Variants in TP63 observed in about 807,000 individuals in gnomAD.
The protein encoded by TP63 is tumor protein p63.
Under a neutral mutation model 82.8 loss-of-function variants are expected in TP63, and 17 were observed. The observed-to-expected ratio is 0.21, with a 90% CI of 0.14 to 0.31. TP63 has a LOEUF of 0.31. Among genes scored for constraint, TP63 ranks in the 10% least tolerant of loss-of-function variants. The probability of loss-of-function intolerance (pLI) is 1.00; values close to 1 mark genes in which losing one functional copy is unlikely to be tolerated. For missense variants in TP63, 648 were observed against 895.3 expected (o/e 0.72, Z 3.52); for synonymous variants, 330 against 321.7 (o/e 1.03, Z -0.28).
chr3:189,617,633 G>T, the TP63 span, among the ~76,000 whole-genome samples: 1 of 152,106 alleles, frequency 6.6e-6, no homozygotes, highest in Non-Finnish European at 1.5e-5. Flanking sequence ...ACATTCTTTG[G>T]CTGTTTAATG....
chr3:189,624,269 C>T, the TP63 span, among the ~76,000 whole-genome samples: 1 of 152,182 alleles, frequency 6.6e-6, no homozygotes, highest in Non-Finnish European at 1.5e-5. Flanking sequence ...TTTCATCTTG[C>T]AAAACTGAAA....
intron 1 of TP63, among the ~76,000 whole-genome samples, chr3:189,651,441 G>A (rs1358117004): frequency 3.4e-5 from 5 of 145,704 alleles, no homozygotes; most frequent in Non-Finnish European, 7.4e-5. Flanking sequence ...AGCTACTTAG[G>A]AGGCTGAATC....
In TP63 at chr3:189,897,232, G is replaced by A. The variant is rs1008423994; in HGVS notation, c.*2730G>A. 1 of 205,002 alleles carries A rather than the reference G, an allele frequency of 4.9e-6. No homozygotes were observed. The highest frequency in any genetic ancestry group is 1.0e-5 in the Non-Finnish European group (1 of 99,990). 12.7% of individuals were successfully genotyped at this position (205,002 alleles called of 1,614,324 possible). The stretch of plus-strand genomic sequence containing the variant: ...TCTACAATCTCTTTTTGTTTGCCAG[G>A]ACATGCAATAAAATTTAAAAAATAA... On this transcript the variant is annotated 3_prime_UTR_variant, in exon 14 of 14. Transcript: ENST00000264731.
chr3:189,833,058 C>T (rs1021684762), intron 4 of TP63, among the ~76,000 whole-genome samples: 10 of 152,168 alleles, frequency 6.6e-5, no homozygotes, highest in South Asian at 2.1e-4. Flanking sequence ...GAGAGTAAAT[C>T]GAATCCAATT....
At chr3:189,637,251 A>T (rs1189522064) in intron 1 of TP63, among the ~76,000 whole-genome samples, 2 of 151,044 alleles carry the variant, frequency 1.3e-5, no homozygotes, top group African/African-American at 4.9e-5. Context: ...TGGGAACTGA[A>T]TTTTTTTTTT....
chr3:189,832,262 G>A (rs1261194258), intron 4 of TP63, among the ~76,000 whole-genome samples: 3 of 152,040 alleles, frequency 2.0e-5, no homozygotes, highest in Non-Finnish European at 2.9e-5. Flanking sequence ...TCTCTGCATC[G>A]GGCTTGTTGG....
At chr3:189,667,807 A>C (rs1013592515) in intron 1 of TP63, among the ~76,000 whole-genome samples, 2 of 152,118 alleles carry the variant, frequency 1.3e-5, no homozygotes, top group African/African-American at 4.8e-5. Context: ...AGAGACAGCA[A>C]ATGTTTTCTG....
chr3:189,719,129 A>T (rs1719182202), intron 1 of TP63, among the ~76,000 whole-genome samples: 1 of 152,204 alleles, frequency 6.6e-6, no homozygotes, highest in South Asian at 2.1e-4. Context: ...GACAAAAGCC[A>T]TAGACGCACG....
chr3:189,644,112 T>C (rs1245488030), intron 1 of TP63, among the ~76,000 whole-genome samples: 2 of 152,158 alleles, frequency 1.3e-5, no homozygotes, highest in Non-Finnish European at 2.9e-5. Context: ...CCACTTCAGG[T>C]ACCAATCCAC....
chr3:189,657,769 G>A (rs969762547), intron 1 of TP63, among the ~76,000 whole-genome samples: 1 of 152,024 alleles, frequency 6.6e-6, no homozygotes, highest in Admixed American at 6.6e-5. Flanking sequence ...GATATGGATG[G>A]TTATATATAG....
chr3:189,686,991 A>C (rs1716502647), intron 1 of TP63, among the ~76,000 whole-genome samples: 1 of 152,020 alleles, frequency 6.6e-6, no homozygotes, highest in Non-Finnish European at 1.5e-5. Flanking sequence ...AGCCTCCCCA[A>C]GTACTGGGAT....
At chr3:189,790,008 T>G (rs1482802399) in intron 3 of TP63, among the ~76,000 whole-genome samples, 1 of 143,474 alleles carries the variant, frequency 7.0e-6, no homozygotes, top group Non-Finnish European at 1.5e-5. Context: ...GGCTGTAAGA[T>G]TTTTTTTTTT....
At chr3:189,772,132 A>T (rs1056117361) in intron 3 of TP63, among the ~76,000 whole-genome samples, 1 of 152,194 alleles carries the variant, frequency 6.6e-6, no homozygotes, top group African/African-American at 2.4e-5. Context: ...TCCCTTTCCC[A>T]AAGTTTTATG....
intron 1 of TP63, among the ~76,000 whole-genome samples, chr3:189,677,811 C>T (rs1715575235): frequency 6.6e-6 from 1 of 152,000 alleles, no homozygotes; most frequent in Non-Finnish European, 1.5e-5. Flanking sequence ...AAGATGGTAT[C>T]TCATTGTGGT....
At chr3:189,704,353 C>G (rs1192830553) in intron 1 of TP63, among the ~76,000 whole-genome samples, 2 of 152,196 alleles carry the variant, frequency 1.3e-5, no homozygotes, top group Non-Finnish European at 2.9e-5. Flanking sequence ...CATTACTTCC[C>G]TTGTGAAGCC....
intron 7 of TP63, 38 bp from the exon 8 acceptor site, chr3:189,868,542 G>T: frequency 2.5e-6 from 4 of 1,612,274 alleles, no homozygotes; most frequent in Non-Finnish European, 3.4e-6. Context: ...AAAATGCTTT[G>T]AATTTAACTC....
intron 3 of TP63, among the ~76,000 whole-genome samples, chr3:189,799,125 C>T (rs1354310028): frequency 4.9e-4 from 75 of 152,066 alleles, no homozygotes; most frequent in Non-Finnish European, 4.4e-5. Context: ...CAAATAAAAA[C>T]TAGTGTTTCA....
At chr3:189,791,158 C>T (rs1725098109) in intron 3 of TP63, among the ~76,000 whole-genome samples, 2 of 152,042 alleles carry the variant, frequency 1.3e-5, no homozygotes, top group African/African-American at 4.8e-5. Flanking sequence ...CCAATTTTGT[C>T]CAGTTTTAAT....
intron 4 of TP63, among the ~76,000 whole-genome samples, chr3:189,841,991 A>T (rs1714189804): frequency 6.6e-6 from 1 of 152,208 alleles, no homozygotes; most frequent in Admixed American, 6.5e-5. Flanking sequence ...ACAACAAAGT[A>T]AGAGCTGAGG....
Sources: allele counts gnomAD v4.1 joint callset (sites outside exome capture counted in the v4.1 genomes callset), GRCh38; gene constraint gnomAD v4.1.1; transcripts MANE v1.5; gene names NCBI Gene and HGNC (gene_info 2026-07-23, HGNC 2026-07-21).